The following EFCAB5 variants were observed in gnomAD, a reference collection of about 807,000 sequenced individuals.
EFCAB5 encodes EF-hand calcium-binding domain-containing protein 5.
Under a neutral mutation model 167.9 loss-of-function variants are expected in EFCAB5, and 131 were observed. That is an observed-to-expected ratio of 0.78 (90% CI 0.68 to 0.90). EFCAB5 has a LOEUF of 0.90. EFCAB5 is among the 40% of genes least tolerant of loss of function. The pLI is 0.00. For missense variants in EFCAB5, 1,663 were observed against 1,745.2 expected, an observed-to-expected ratio of 0.95 and a Z score of 0.84; for synonymous variants, 574 against 602.8, an observed-to-expected ratio of 0.95 and a Z score of 0.70.
At chr17:30,026,367 A>G (rs1229986132) in intron 7 of EFCAB5, among the ~76,000 whole-genome samples, 1 of 151,608 alleles carries the variant, frequency 6.6e-6, no homozygotes, top group Admixed American at 6.6e-5. Context: ...AACAAGCTGC[A>G]TTGTCTTGTG....
intron 14 of EFCAB5, chr17:30,065,585 C>T (rs1400902629): frequency 6.6e-6 from 1 of 152,156 alleles, no homozygotes; most frequent in African/African-American, 2.4e-5. Context: ...TGCTTGAACC[C>T]TGGAGGTGGA....
intron 14 of EFCAB5, among the ~76,000 whole-genome samples, chr17:30,068,031 C>T (rs551035219): frequency 1.1e-4 from 17 of 152,192 alleles, no homozygotes; most frequent in Non-Finnish European, 2.2e-4. Flanking sequence ...GTAGGCCGGG[C>T]GCGGTGGCTC....
chr17:30,107,842 C>T lies in EFCAB5; in HGVS notation c.4330C>T (p.Arg1444Ter), dbSNP rs1312430077. The part of the protein sequence containing the change: ...LIDEYIRDHS[R>*]TEVWKFGNVV... ...TTTTTTTCCTGATGCAGATCATTCC[C>T]GAACTGAAGTATGGAAATTTGGTAA... The change falls in exon 23 of 23, where the codon CGA becomes TGA. Residue 1444 changes from arginine (R) to a stop codon, truncating the protein, a stop_gained. Coordinates refer to ENST00000394835, the MANE Select transcript of EFCAB5 (RefSeq NM_198529.4). LOFTEE classifies it low-confidence loss of function (END_TRUNC). The T allele has an allele frequency of 1.7e-5, 26 of 1,563,316 alleles. No individual in the cohort carries two copies. Among genetic ancestry groups the T allele is most frequent in the South Asian group, 9.8e-5 (8 of 81,862 alleles).
chr17:30,013,035 G>T (rs1259889500), intron 7 of EFCAB5, among the ~76,000 whole-genome samples: 3 of 152,142 alleles, frequency 2.0e-5, no homozygotes, highest in Admixed American at 1.3e-4. Flanking sequence ...TTTGTCGAAG[G>T]CCTTCTCTGC....
chr17:29,959,530 A>T (rs567367986), intron 3 of EFCAB5, among the ~76,000 whole-genome samples: 2 of 152,252 alleles, frequency 1.3e-5, no homozygotes, highest in East Asian at 3.9e-4. Context: ...TTCAAGGCCC[A>T]TGGGCACTTT....
intron 3 of EFCAB5, among the ~76,000 whole-genome samples, chr17:29,963,369 T>C (rs2067761589): frequency 6.6e-6 from 1 of 152,230 alleles, no homozygotes; most frequent in African/African-American, 2.4e-5. Flanking sequence ...TTTTCTTATG[T>C]TGAGCCACCT....
chr17:30,106,828 C>A (rs2071455759), intron 22 of EFCAB5, among the ~76,000 whole-genome samples: 1 of 152,204 alleles, frequency 6.6e-6, no homozygotes, highest in African/African-American at 2.4e-5. Context: ...CTGGTCCCAG[C>A]TACTTGGGAG....
intron 4 of EFCAB5, among the ~76,000 whole-genome samples, chr17:29,972,352 G>A (rs1372224431): frequency 1.3e-5 from 2 of 151,870 alleles, no homozygotes; most frequent in African/African-American, 2.4e-5. Flanking sequence ...CCCGGCCCAG[G>A]CATTTTTTAA....
chr17:30,062,463 C>T, intron 14 of EFCAB5, among the ~76,000 whole-genome samples: 1 of 152,230 alleles, frequency 6.6e-6, no homozygotes, highest in East Asian at 1.9e-4. Context: ...ACCTACACAG[C>T]TCACTACTGG....
chr17:29,985,119 G>A (rs1002583626), intron 4 of EFCAB5, among the ~76,000 whole-genome samples: 1 of 152,144 alleles, frequency 6.6e-6, no homozygotes, highest in Admixed American at 6.5e-5. Flanking sequence ...ACCAGTTTGG[G>A]GTTTTTGGAG....
At chr17:30,057,189 A>G (rs1276017823) in intron 12 of EFCAB5, among the ~76,000 whole-genome samples, 1 of 152,190 alleles carries the variant, frequency 6.6e-6, no homozygotes, top group East Asian at 1.9e-4. Context: ...AGGCTCAACA[A>G]TAGCAGCAGG....
intron 7 of EFCAB5, among the ~76,000 whole-genome samples, chr17:30,013,527 T>C (rs1386163534): frequency 2.0e-5 from 3 of 151,966 alleles, no homozygotes. Context: ...TGGTTTAGTC[T>C]TGGGAGGGTG....
chr17:29,942,406 T>G, intron 2 of EFCAB5, 104 bp downstream of exon 2: 1 of 1,106,468 alleles, frequency 9.0e-7, no homozygotes, highest in East Asian at 2.7e-5. Context: ...AAAAGATAAC[T>G]AAAATTGCAA....
intron 8 of EFCAB5, among the ~76,000 whole-genome samples, chr17:30,041,017 A>G (rs1408918469): frequency 6.6e-6 from 1 of 152,226 alleles, no homozygotes; most frequent in Non-Finnish European, 1.5e-5. Context: ...TGTGAAGTCC[A>G]GCTCCAGCCA....
rs1597738634 is a variant in EFCAB5, at chr17:30,057,722, A to G, written c.2412A>G (p.Lys804=). The part of the protein sequence containing the change: ...IRNIQSCKEV[K]GRTAFNGVSF... ...ATATTCAGTCTTGCAAGGAGGTAAAAGGCAGAACTGCCTTCAATGGAGTTT... is the reference window on the plus strand; with the variant it reads ...ATATTCAGTCTTGCAAGGAGGTAAAGGGCAGAACTGCCTTCAATGGAGTTT... The change falls in exon 13 of 23, where the codon AAA becomes AAG. Residue 804 remains lysine, a synonymous_variant. Coordinates refer to ENST00000394835, the MANE Select transcript of EFCAB5 (RefSeq NM_198529.4). The G allele has an allele frequency of 6.2e-7, 1 of 1,613,812 alleles. No homozygotes were observed. The highest frequency in any genetic ancestry group is 2.2e-5 in the East Asian group (1 of 44,882).
chr17:29,953,212 A>G (rs1280826701), intron 3 of EFCAB5, among the ~76,000 whole-genome samples: 1 of 152,194 alleles, frequency 6.6e-6, no homozygotes, highest in African/African-American at 2.4e-5. Flanking sequence ...AACGTACAAA[A>G]ATCATTAGCA....
chr17:30,085,380 A>G (rs1018357779), intron 18 of EFCAB5, among the ~76,000 whole-genome samples: 1 of 152,254 alleles, frequency 6.6e-6, no homozygotes. Flanking sequence ...TAACTGCATC[A>G]GGCACAATAA....
intron 4 of EFCAB5, among the ~76,000 whole-genome samples, chr17:29,984,789 G>C (rs965591804): frequency 6.6e-6 from 1 of 152,102 alleles, no homozygotes; most frequent in Non-Finnish European, 1.5e-5. Context: ...AGCCCCTTCT[G>C]TACTATTAAA....
chr17:30,011,540 C>G (rs2151682029), intron 7 of EFCAB5, among the ~76,000 whole-genome samples: 1 of 152,186 alleles, frequency 6.6e-6, no homozygotes, highest in Admixed American at 6.5e-5. Flanking sequence ...AAGTTGGATT[C>G]CTAGGTATTT....
Sources: allele counts gnomAD v4.1 joint callset (sites outside exome capture counted in the v4.1 genomes callset), GRCh38; gene constraint gnomAD v4.1.1; transcripts MANE v1.5; gene names NCBI Gene and HGNC (gene_info 2026-07-23, HGNC 2026-07-21).